Variants in ENAH observed in about 807,000 individuals in gnomAD.
The protein encoded by ENAH is ENAH actin regulator, also known as protein enabled homolog.
Under a neutral mutation model 78.7 loss-of-function variants are expected in ENAH, and 23 were observed. That is an observed-to-expected ratio of 0.29 (90% CI 0.21 to 0.41). The LOEUF (loss-of-function observed/expected upper bound fraction) is 0.41, where lower values mean the gene tolerates loss of function less well. Ranked by LOEUF, ENAH falls within the 10% of genes least tolerant of loss-of-function variation. The pLI is 1.00. For synonymous variants in ENAH, 226 were observed against 241.0 expected (o/e 0.94, Z 0.58); for missense variants, 544 against 691.0 (o/e 0.79, Z 2.39).
rs1553409436 is a variant in ENAH at position 225,495,455 on chromosome 1, G to GGTT, written c.*2317_*2319dup. The GGTT allele has an allele frequency of 2.4e-4, 15 of 63,530 alleles. No individual in the cohort carries two copies. The highest frequency in any genetic ancestry group is 9.6e-4 in the African/African-American group (14 of 14,644). The allele number at this position is 63,530 out of a possible 1,614,324, so 3.9% of individuals were successfully genotyped here. On this transcript the variant is annotated 3_prime_UTR_variant, in exon 14 of 14. Transcript: ENST00000366843. ...GGGAAATATAGCATGATTCAACACTGGTTTTTTTTTTTTTTTTTTTTTGTC... is the reference window on the plus strand; with the variant it reads ...GGGAAATATAGCATGATTCAACACTGGTTGTTTTTTTTTTTTTTTTTTTTTGTC...
intron 1 of ENAH, among the ~76,000 whole-genome samples, chr1:225,587,037 G>A (rs184165821): frequency 1.3e-5 from 2 of 152,260 alleles, no homozygotes; most frequent in African/African-American, 4.8e-5. Flanking sequence ...AGGAAGAGAA[G>A]TGATTTCCCC....
In ENAH at chr1:225,491,005, G is replaced by C. The variant is rs753063769; in HGVS notation, c.*6770C>G. ...TGCCACCAAGGATGGACAAACCTCA[G>C]ACTTGATCAATGGGTGGAGGGAAAC... is the stretch of plus-strand genomic sequence containing the variant. On this transcript the variant is annotated 3_prime_UTR_variant, in exon 14 of 14. Transcript: ENST00000366843. 4 of 152,188 alleles carry C rather than the reference G, an allele frequency of 2.6e-5. No homozygotes were observed. The highest frequency in any genetic ancestry group is 5.9e-5 in the Non-Finnish European group (4 of 68,044). The allele number at this position is 152,188 out of a possible 1,614,324, so 9.4% of individuals were successfully genotyped here.
intron 1 of ENAH, among the ~76,000 whole-genome samples, chr1:225,612,122 C>T (rs1286580502): frequency 6.6e-6 from 1 of 152,096 alleles, no homozygotes; most frequent in East Asian, 1.9e-4. Flanking sequence ...TATTCAAATA[C>T]TTATACATAA....
chr1:225,603,304 C>T (rs1375746265), intron 1 of ENAH, among the ~76,000 whole-genome samples: 10 of 152,018 alleles, frequency 6.6e-5, no homozygotes, highest in African/African-American at 1.7e-4. Context: ...TTAACTACAC[C>T]GATGGCTCTT....
chr1:225,583,267 T>C (rs1009764508), intron 1 of ENAH, among the ~76,000 whole-genome samples: 10 of 151,700 alleles, frequency 6.6e-5, no homozygotes, highest in African/African-American at 2.2e-4. Flanking sequence ...TGAAACCTCA[T>C]CTCTACAAAA....
intron 1 of ENAH, among the ~76,000 whole-genome samples, chr1:225,594,664 T>C (rs1428800026): frequency 2.0e-5 from 3 of 152,250 alleles, no homozygotes; most frequent in Non-Finnish European, 4.4e-5. Context: ...TATTCAAGCA[T>C]CTGCTGAATG....
chr1:225,488,573 A>C lies in ENAH; in HGVS notation c.*9202T>G, dbSNP rs770378671. On this transcript the variant is annotated 3_prime_UTR_variant, in exon 14 of 14. Coordinates refer to ENST00000366843, the MANE Select transcript of ENAH (RefSeq NM_018212.6). Reference sequence around the variant, plus strand: ...AGTACTGTCATTGAGGATTACAGAAATACTTTGCATCAACTACAGATGTCT... The same window carrying C: ...AGTACTGTCATTGAGGATTACAGAACTACTTTGCATCAACTACAGATGTCT... The C allele has an allele frequency of 6.6e-6, 1 of 152,210 alleles. No individual in the cohort carries two copies. The highest frequency in any genetic ancestry group is 1.5e-5 in the Non-Finnish European group (1 of 68,042). 9.4% of individuals were successfully genotyped at this position (152,210 alleles called of 1,614,324 possible).
intron 1 of ENAH, among the ~76,000 whole-genome samples, chr1:225,598,556 A>C (rs2096914156): frequency 6.6e-6 from 1 of 152,002 alleles, no homozygotes; most frequent in Admixed American, 6.6e-5. Context: ...TTTAATCAAC[A>C]GGAATAACCA....
chr1:225,558,086 T>C (rs1402220399), intron 2 of ENAH, among the ~76,000 whole-genome samples: 1 of 152,216 alleles, frequency 6.6e-6, no homozygotes, highest in East Asian at 1.9e-4. Context: ...TATCAATTTT[T>C]ATAAATCTCT....
rs1176838758 is a variant in ENAH, at chr1:225,488,587, C to T, written c.*9188G>A. 2 of 152,148 alleles carry T rather than the reference C, an allele frequency of 1.3e-5. No individual in the cohort carries two copies. Among genetic ancestry groups the T allele is most frequent in the Non-Finnish European group, 2.9e-5 (2 of 68,032 alleles). The allele number at this position is 152,148 out of a possible 1,614,324, so 9.4% of individuals were successfully genotyped here. On this transcript the variant is annotated 3_prime_UTR_variant, in exon 14 of 14. Transcript: ENST00000366843. ...GGATTACAGAAATACTTTGCATCAA[C>T]TACAGATGTCTCAAAATAGAATTCT...
intron 2 of ENAH, among the ~76,000 whole-genome samples, chr1:225,563,998 C>G (rs2096721829): frequency 6.6e-6 from 1 of 152,174 alleles, no homozygotes; most frequent in Non-Finnish European, 1.5e-5. Flanking sequence ...GGCCCACTTA[C>G]TGGCATAAAG....
intron 11 of ENAH, among the ~76,000 whole-genome samples, chr1:225,504,713 T>C (rs2096312296): frequency 6.6e-6 from 1 of 152,214 alleles, no homozygotes. Flanking sequence ...CTTATAATCA[T>C]AAGGCGAACA....
intron 1 of ENAH, among the ~76,000 whole-genome samples, chr1:225,592,505 T>C (rs1350787946): frequency 6.6e-6 from 1 of 152,216 alleles, no homozygotes; most frequent in African/African-American, 2.4e-5. Flanking sequence ...CGATGTTTAG[T>C]ACATCTCTAT....
intron 1 of ENAH, among the ~76,000 whole-genome samples, chr1:225,628,617 A>C (rs1575784589): frequency 6.6e-6 from 1 of 152,304 alleles, no homozygotes; most frequent in Non-Finnish European, 1.5e-5. Context: ...TTTTTAAAAG[A>C]TGGTGCAACT....
In ENAH at chr1:225,556,074, T is replaced by C. The variant is rs192083215; in HGVS notation, c.172-991A>G. On this transcript the variant is annotated intron_variant, in intron 2 of 13. Coordinates refer to ENST00000366843, the MANE Select transcript of ENAH (RefSeq NM_018212.6). ...TTTGTTCATTTTCACTGCTCTATGG[T>C]AGTCGTTTGTATAAATCATATTTAT... Among the ~76,000 whole-genome samples the C allele has an allele frequency of 1.5e-4, 23 of 152,344 alleles. 1 individual carries two copies. The highest frequency in any genetic ancestry group is 5.5e-4 in the African/African-American group (23 of 41,590).
At chr1:225,563,265 T>C (rs551802756) in intron 2 of ENAH, among the ~76,000 whole-genome samples, 20 of 152,280 alleles carry the variant, frequency 1.3e-4, no homozygotes, top group Admixed American at 8.5e-4. Flanking sequence ...TTATCAATTC[T>C]TACTGCTTCT....
At chr1:225,596,954 G>A (rs527585144) in intron 1 of ENAH, among the ~76,000 whole-genome samples, 1 of 152,238 alleles carries the variant, frequency 6.6e-6, no homozygotes, top group South Asian at 2.1e-4. Flanking sequence ...TGAACAAGTG[G>A]TCACAGCTGT....
intron 1 of ENAH, among the ~76,000 whole-genome samples, chr1:225,581,872 T>TA: frequency 7.6e-6 from 1 of 132,206 alleles, no homozygotes; most frequent in South Asian, 2.3e-4. Flanking sequence ...TTTTTTTTTT[T>TA]AATTTTTGGT....
intron 1 of ENAH, among the ~76,000 whole-genome samples, chr1:225,613,326 C>A (rs1277333043): frequency 2.0e-5 from 3 of 152,180 alleles, no homozygotes. Flanking sequence ...CTGAGAATAA[C>A]AGACTTATTG....
Sources: allele counts gnomAD v4.1 joint callset (sites outside exome capture counted in the v4.1 genomes callset), GRCh38; gene constraint gnomAD v4.1.1; transcripts MANE v1.5; gene names NCBI Gene and HGNC (gene_info 2026-07-23, HGNC 2026-07-21).